Variants in TOGARAM1 observed in about 807,000 individuals in gnomAD.
The protein encoded by TOGARAM1 is TOG array regulator of axonemal microtubules protein 1.
TOGARAM1 carries 100 observed loss-of-function variants against 166.6 expected under a neutral mutation model. The ratio of observed to expected loss-of-function variants is 0.60; its 90% CI spans 0.51 to 0.71. The LOEUF is 0.71. Among genes scored for constraint, TOGARAM1 ranks in the 30% least tolerant of loss-of-function variants. The probability of loss-of-function intolerance (pLI) is 0.00; values close to 1 mark genes in which losing one functional copy is unlikely to be tolerated. For missense variants in TOGARAM1, 2,029 were observed against 2,102.7 expected, an observed-to-expected ratio of 0.96 and a Z score of 0.69; for synonymous variants, 758 against 763.8, an observed-to-expected ratio of 0.99 and a Z score of 0.13.
intron 1 of TOGARAM1, among the ~76,000 whole-genome samples, chr14:44,987,490 C>G (rs948550763): frequency 6.6e-6 from 1 of 152,164 alleles, no homozygotes; most frequent in African/African-American, 2.4e-5. Flanking sequence ...GTGCAGCCCA[C>G]AGACACATGA....
chr14:45,005,906 C>A, intron 4 of TOGARAM1, 102 bp from the exon 5 acceptor site: 1 of 1,065,922 alleles, frequency 9.4e-7, no homozygotes, highest in Non-Finnish European at 1.3e-6. Context: ...CTATAATGTG[C>A]TTTTTTTATT....
chr14:45,045,613 G>GTATA (rs1881994900), intron 13 of TOGARAM1, among the ~76,000 whole-genome samples: 3 of 74,454 alleles, frequency 4.0e-5, no homozygotes, highest in Admixed American at 1.6e-4. Flanking sequence ...GTGTGTGTGT[G>GTATA]TGTGTATATA....
Position 44,995,856 on chromosome 14 carries a change from G to C in TOGARAM1, c.2157G>C (p.Gln719His). ...SRKRVSRNLF[Q>H]NSRDFNPDCL... ...AAAGAGTATCAAGAAACTTATTTCA[G>C]AATAGTCGGGATTTTAACCCAGATT... The change falls in exon 2 of 20, where the codon CAG becomes CAC. Residue 719 changes from glutamine (Q) to histidine (H), a missense_variant. This residue lies in a region of TOGARAM1 where 1,453 missense variants were observed against 1,432.2 expected (regional missense o/e 1.01). Coordinates refer to ENST00000361462, the MANE Select transcript of TOGARAM1 (RefSeq NM_001308120.2). 1 of 1,610,840 alleles carries C rather than the reference G, an allele frequency of 6.2e-7. No homozygotes were observed. Among genetic ancestry groups the C allele is most frequent in the Non-Finnish European group, 8.5e-7 (1 of 1,179,006 alleles).
chr14:44,981,361 C>T (rs1886522247), intron 1 of TOGARAM1, among the ~76,000 whole-genome samples: 1 of 152,056 alleles, frequency 6.6e-6, no homozygotes, highest in Non-Finnish European at 1.5e-5. Context: ...TAGAGAATAG[C>T]AGTAGGAGAT....
chr14:45,063,093 T>TA (rs1156802299), intron 16 of TOGARAM1, among the ~76,000 whole-genome samples: 21 of 152,308 alleles, frequency 1.4e-4, no homozygotes, highest in African/African-American at 4.6e-4. Flanking sequence ...TTCTTATACT[T>TA]ACGTTTATAT....
intron 1 of TOGARAM1, among the ~76,000 whole-genome samples, chr14:44,991,891 G>C (rs1887153921): frequency 6.6e-6 from 1 of 151,124 alleles, no homozygotes; most frequent in African/African-American, 2.4e-5. Flanking sequence ...TTTTTCTTTT[G>C]ATAACTTTGG....
intron 1 of TOGARAM1, among the ~76,000 whole-genome samples, chr14:44,980,415 G>A (rs80189005): frequency 3.7e-4 from 57 of 152,258 alleles, no homozygotes; most frequent in South Asian, 2.1e-3. Flanking sequence ...ACTTGTAATT[G>A]CACCACTTTG....
At position 45,006,110 on chromosome 14, in the gene TOGARAM1, T is replaced by C; in HGVS notation, c.2747T>C (p.Ile916Thr). 1 of 1,614,068 alleles carries C rather than the reference T, an allele frequency of 6.2e-7. No homozygotes were observed. Among genetic ancestry groups the C allele is most frequent in the Non-Finnish European group, 8.5e-7 (1 of 1,179,962 alleles). Residue 916 changes from isoleucine to threonine, a missense_variant, in exon 5 of 20, where the codon ATA becomes ACA. Physicochemically the swap from Ile to Thr is moderately conservative, Grantham distance 89 (BLOSUM62 -1). Transcript: ENST00000361462. ...AATGGGACAAAGCCTGTTCCTCCCA[T>C]ACCAAGGGGAATAAGCCTTTTGCCT... is the stretch of plus-strand genomic sequence containing the variant. ...GLNGTKPVPPIPRGISLLPDK... is the reference protein window; with the variant it reads ...GLNGTKPVPPTPRGISLLPDK...
intron 5 of TOGARAM1, chr14:45,007,896 G>A (rs768338775): frequency 6.6e-6 from 1 of 152,174 alleles, no homozygotes; most frequent in Non-Finnish European, 1.5e-5. Flanking sequence ...AAGAGGCTCA[G>A]TGATGTTATG....
chr14:44,984,193 A>G (rs1227624352), intron 1 of TOGARAM1, among the ~76,000 whole-genome samples: 2 of 152,166 alleles, frequency 1.3e-5, no homozygotes, highest in African/African-American at 4.8e-5. Context: ...TATTTAAAGC[A>G]AAGTAAGAAA....
chr14:44,986,874 C>T (rs1381081852), intron 1 of TOGARAM1, among the ~76,000 whole-genome samples: 1 of 150,582 alleles, frequency 6.6e-6, no homozygotes, highest in East Asian at 2.0e-4. Flanking sequence ...GGCGTGGTGG[C>T]GGGTGCCTGT....
intron 5 of TOGARAM1, among the ~76,000 whole-genome samples, chr14:45,008,381 C>T (rs918338618): frequency 2.0e-5 from 3 of 151,836 alleles, no homozygotes; most frequent in Non-Finnish European, 4.4e-5. Context: ...TAAGACTGCA[C>T]GTGTCCACCA....
Position 45,073,776 on chromosome 14 carries a change from GA to G in TOGARAM1, c.*218del, listed in dbSNP as rs1200398033. 4.7e-6 allele frequency: 2 copies of G among 423,296 alleles called. No individual in the cohort carries two copies. The allele number at this position is 423,296 out of a possible 1,614,324, so 26.2% of individuals were successfully genotyped here. On this transcript the variant is annotated 3_prime_UTR_variant, in exon 20 of 20. Coordinates refer to ENST00000361462, the MANE Select transcript of TOGARAM1 (RefSeq NM_001308120.2). Reference sequence around the variant, plus strand: ...CCTAAAATATTCATGAATAATTCATGAAATCTGAGTCACATGGGATGAATTC... The same window carrying G: ...CCTAAAATATTCATGAATAATTCATGAATCTGAGTCACATGGGATGAATTC...
At chr14:45,059,160 C>T (rs1222096300) in intron 16 of TOGARAM1, among the ~76,000 whole-genome samples, 1 of 152,034 alleles carries the variant, frequency 6.6e-6, no homozygotes, top group Non-Finnish European at 1.5e-5. Flanking sequence ...TCACCACAGC[C>T]TCGACCTCCT....
chr14:44,983,789 A>G (rs1886652075), intron 1 of TOGARAM1, among the ~76,000 whole-genome samples: 2 of 152,172 alleles, frequency 1.3e-5, no homozygotes, highest in South Asian at 4.1e-4. Context: ...TTAAAATTAT[A>G]TTGTGATGCA....
chr14:45,023,332 C>T (rs771226150), intron 7 of TOGARAM1, among the ~76,000 whole-genome samples: 2 of 152,204 alleles, frequency 1.3e-5, no homozygotes, highest in Non-Finnish European at 2.9e-5. Flanking sequence ...AGTCGCAGCA[C>T]TGGCCCTTCA....
intron 10 of TOGARAM1, among the ~76,000 whole-genome samples, chr14:45,029,693 A>G (rs1435359923): frequency 6.6e-6 from 1 of 152,244 alleles, no homozygotes; most frequent in Non-Finnish European, 1.5e-5. Flanking sequence ...TTTATTACTC[A>G]TCTATGATAA....
intron 1 of TOGARAM1, among the ~76,000 whole-genome samples, chr14:44,987,487 C>T (rs1886889939): frequency 6.6e-6 from 1 of 152,134 alleles, no homozygotes; most frequent in African/African-American, 2.4e-5. Context: ...TTTGTGCAGC[C>T]CACAGACACA....
At chr14:45,045,563 ATATATATATATATATATATATG>A (rs1220787990) in intron 13 of TOGARAM1, among the ~76,000 whole-genome samples, 4 of 40,572 alleles carry the variant, frequency 9.9e-5, no homozygotes, top group South Asian at 8.8e-4. Flanking sequence ...ATATATATAT[ATATATATATATATATATATATG>A]TGTGTGTGTG....
Sources: gnomAD v4.1 joint callset for allele counts (sites outside exome capture counted in the v4.1 genomes callset) on GRCh38, gnomAD v4.1.1 for gene constraint, gnomAD v4.1.1 regional missense constraint, MANE v1.5 for transcripts, NCBI Gene and HGNC (gene_info 2026-07-23, HGNC 2026-07-21) for gene names.